SLC36A1: variants seen among roughly 807,000 people sequenced by gnomAD.
SLC36A1 encodes the protein solute carrier family 36 member 1.
Under a neutral mutation model 47.5 loss-of-function variants are expected in SLC36A1, and 30 were observed. That is an observed-to-expected ratio of 0.63 (90% CI 0.47 to 0.86). SLC36A1 has a LOEUF of 0.86. SLC36A1 is among the 40% of genes least tolerant of loss of function. The pLI is 0.00. For synonymous variants in SLC36A1, 255 were observed against 249.7 expected, an observed-to-expected ratio of 1.02 and a Z score of -0.20; for missense variants, 517 against 606.0, an observed-to-expected ratio of 0.85 and a Z score of 1.54.
chr5:151,531,719 C>T, the SLC36A1 span: 1 of 1,613,938 alleles, frequency 6.2e-7, no homozygotes. The surrounding 1 kb of genome is among the most constrained non-coding windows in gnomAD (Gnocchi z 5.7). Flanking sequence ...TCCTCGGGCA[C>T]CTGCACGCTG....
the SLC36A1 span, among the ~76,000 whole-genome samples, chr5:151,419,148 A>G: frequency 6.6e-6 from 1 of 152,212 alleles, no homozygotes; most frequent in African/African-American, 2.4e-5. Flanking sequence ...CTGTGAGTCA[A>G]TTAAATCTCT....
chr5:151,458,785 C>T lies in SLC36A1; in HGVS notation c.-5-3C>T. 6.2e-7 allele frequency: 1 copy of T among 1,613,252 alleles called. No homozygotes were observed. The highest frequency in any genetic ancestry group is 1.3e-5 in the African/African-American group (1 of 75,002). On this transcript the variant is annotated splice_region_variant and splice_polypyrimidine_tract_variant and intron_variant, in intron 1 of 10. Coordinates refer to ENST00000243389, the MANE Select transcript of SLC36A1 (RefSeq NM_078483.4). Reference sequence around the variant, plus strand: ...GGTCTTAATGCTGGCCCTGTCCCCCCAGCTGCCATGTCCACGCAGAGACTT... The same window carrying T: ...GGTCTTAATGCTGGCCCTGTCCCCCTAGCTGCCATGTCCACGCAGAGACTT...
the SLC36A1 span, among the ~76,000 whole-genome samples, chr5:151,346,641 G>A: frequency 2.0e-5 from 3 of 152,156 alleles, no homozygotes; most frequent in East Asian, 5.8e-4. Flanking sequence ...AAGTAAACTA[G>A]CAAGTCTGGT....
At chr5:151,518,418 C>T in the SLC36A1 span, among the ~76,000 whole-genome samples, 2 of 151,098 alleles carry the variant, frequency 1.3e-5, no homozygotes, top group South Asian at 2.1e-4. Flanking sequence ...TGTAATGAAT[C>T]AAGTGTGTGA....
At chr5:151,544,317 G>C in the SLC36A1 span, 3 of 1,614,212 alleles carry the variant, frequency 1.9e-6, no homozygotes, top group Non-Finnish European at 1.7e-6. Flanking sequence ...GGGAAAAAGT[G>C]GGAGGGTTAT....
At chr5:151,406,417 A>C in the SLC36A1 span, 1 of 152,120 alleles carries the variant, frequency 6.6e-6, no homozygotes, top group African/African-American at 2.4e-5. Flanking sequence ...CACCTTCTTC[A>C]CTCTGCATAG....
At chr5:151,426,485 G>A in the SLC36A1 span, among the ~76,000 whole-genome samples, 4 of 152,106 alleles carry the variant, frequency 2.6e-5, no homozygotes, top group African/African-American at 9.7e-5. Flanking sequence ...ACGTAGGCCA[G>A]GTTTATGTTT....
At chr5:151,415,070 C>T in the SLC36A1 span, among the ~76,000 whole-genome samples, 1 of 152,128 alleles carries the variant, frequency 6.6e-6, no homozygotes, top group Non-Finnish European at 1.5e-5. Flanking sequence ...ACCACCCAAC[C>T]TCATCTTCTT....
intron 8 of SLC36A1, among the ~76,000 whole-genome samples, chr5:151,474,024 G>A (rs1193922534): frequency 1.3e-5 from 2 of 151,804 alleles, no homozygotes; most frequent in Non-Finnish European, 2.9e-5. Flanking sequence ...GCTAGGCATG[G>A]TGGCACACGC....
chr5:151,473,979 G>T (rs1294362312), intron 8 of SLC36A1, among the ~76,000 whole-genome samples: 2 of 151,542 alleles, frequency 1.3e-5, no homozygotes, highest in Admixed American at 6.6e-5. Flanking sequence ...GGCCAACATG[G>T]TGAAACCCCA....
At chr5:151,376,752 C>G in the SLC36A1 span, among the ~76,000 whole-genome samples, 1 of 152,100 alleles carries the variant, frequency 6.6e-6, no homozygotes, top group Non-Finnish European at 1.5e-5. Context: ...CCTGTCTCAG[C>G]CTCCTGAGTA....
the SLC36A1 span, among the ~76,000 whole-genome samples, chr5:151,537,459 GAAGGA>G: frequency 0.012 from 1,425 of 118,504 alleles, 20 homozygotes; most frequent in African/African-American, 0.04. Flanking sequence ...GGAGGGGAGG[GAAGGA>G]AAGGAGAAAC....
the SLC36A1 span, among the ~76,000 whole-genome samples, chr5:151,384,109 T>G: frequency 6.6e-6 from 1 of 152,204 alleles, no homozygotes; most frequent in African/African-American, 2.4e-5. Flanking sequence ...TCTAAAATGT[T>G]TGTATCTTCC....
the SLC36A1 span, among the ~76,000 whole-genome samples, chr5:151,533,051 T>C: frequency 2.6e-5 from 4 of 152,164 alleles, no homozygotes; most frequent in Non-Finnish European, 5.9e-5. Flanking sequence ...GGAATAACCA[T>C]TTTGGAAAGA....
At chr5:151,346,033 A>T in the SLC36A1 span, among the ~76,000 whole-genome samples, 591 of 152,336 alleles carry the variant, frequency 3.9e-3, 9 homozygotes, top group African/African-American at 0.013. Context: ...CATCGTTGCC[A>T]CGCTTACTCA....
chr5:151,539,902 C>T, the SLC36A1 span, among the ~76,000 whole-genome samples: 3 of 152,102 alleles, frequency 2.0e-5, no homozygotes, highest in African/African-American at 4.8e-5. Context: ...TGCCCTGTCT[C>T]GTGTTTGTGT....
At chr5:151,461,341 T>C (rs1480308080) in intron 2 of SLC36A1, among the ~76,000 whole-genome samples, 1 of 152,124 alleles carries the variant, frequency 6.6e-6, no homozygotes, top group African/African-American at 2.4e-5. Context: ...CACTTGATGT[T>C]ACCAAGCTAT....
At chr5:151,503,889 G>GT in the SLC36A1 span, among the ~76,000 whole-genome samples, 2 of 152,052 alleles carry the variant, frequency 1.3e-5, no homozygotes, top group Non-Finnish European at 2.9e-5. Flanking sequence ...GAGGCAGAGG[G>GT]TTTTTTCCAA....
At chr5:151,476,833 T>C (rs1022093252) in intron 9 of SLC36A1, 77 bp downstream of exon 9, 2 of 1,536,318 alleles carry the variant, frequency 1.3e-6, no homozygotes, top group African/African-American at 2.7e-5. Flanking sequence ...GGATTCTCCC[T>C]CTTACTTATC....
Sources: gnomAD v4.1 joint callset for allele counts (sites outside exome capture counted in the v4.1 genomes callset) on GRCh38, gnomAD v4.1.1 for gene constraint, Gnocchi (gnomAD v3.1) non-coding constraint, MANE v1.5 for transcripts, NCBI Gene and HGNC (gene_info 2026-07-23, HGNC 2026-07-21) for gene names.